MED13L: variants seen among roughly 807,000 people sequenced by gnomAD.
The protein encoded by MED13L is mediator complex subunit 13L, also known as mediator of RNA polymerase II transcription subunit 13-like.
MED13L carries 7 observed loss-of-function variants against 220.9 expected under a neutral mutation model. That is an observed-to-expected ratio of 0.03 (90% CI 0.02 to 0.06). MED13L has a LOEUF of 0.06. MED13L is among the 10% of genes least tolerant of loss of function. The pLI, the probability that MED13L is intolerant of heterozygous loss-of-function variation, is 1.00. For missense variants in MED13L, 1,965 were observed against 2,760.5 expected, an observed-to-expected ratio of 0.71 and a Z score of 6.46; for synonymous variants, 1,011 against 1,015.2, an observed-to-expected ratio of 1.00 and a Z score of 0.08.
At chr12:115,975,355 T>C (rs2137242565) in intron 24 of MED13L, 42 bp from the exon 25 acceptor site, 2 of 1,613,682 alleles carry the variant, frequency 1.2e-6, no homozygotes, top group Non-Finnish European at 1.7e-6. Flanking sequence ...GGTCCCTAGA[T>C]AAATCAGAGT....
At chr12:116,062,427 TATTGAACA>T (rs760058913) in intron 4 of MED13L, among the ~76,000 whole-genome samples, 7 of 151,986 alleles carry the variant, frequency 4.6e-5, no homozygotes, top group Non-Finnish European at 1.0e-4. Flanking sequence ...ATTGGTTTTC[TATTGAACA>T]ATATTACCTT....
At chr12:116,261,843 G>A (rs1239172570) in intron 1 of MED13L, among the ~76,000 whole-genome samples, 2 of 152,056 alleles carry the variant, frequency 1.3e-5, no homozygotes, top group East Asian at 1.9e-4. Context: ...AATATTACAC[G>A]ATCTATTTCC....
intron 2 of MED13L, chr12:116,174,720 GTGAA>G (rs1341480179): frequency 3.9e-5 from 6 of 152,172 alleles, no homozygotes; most frequent in Non-Finnish European, 5.9e-5. Context: ...AGTTGTCTAA[GTGAA>G]TGTCAGTCTA....
chr12:116,120,440 TTCTCTCTCTCTCTCTCTCTC>T lies in MED13L; in HGVS notation c.311-8948_311-8929del, dbSNP rs67306353. ...TTTGGCTTCTTTAAATAATCTCTCT[TTCTCTCTCTCTCTCTCTCTC>T]TCTCTCTCTCTCTCTCTCACACACA... On this transcript the variant is annotated intron_variant, in intron 2 of 30. Transcript: ENST00000281928. Among the ~76,000 whole-genome samples the T allele has an allele frequency of 4.1e-5, 4 of 98,386 alleles. No individual in the cohort carries two copies. The East Asian group carries it at 1.1e-3, about 26-fold the overall frequency. The allele number at this position is 98,386 out of a possible 152,430, so 64.5% of individuals were successfully genotyped here. A position where few individuals can be genotyped will look rare whatever the true frequency, so the allele number is the denominator to read the frequency against.
At chr12:116,227,824 G>A (rs908089808) in intron 2 of MED13L, among the ~76,000 whole-genome samples, 3 of 152,152 alleles carry the variant, frequency 2.0e-5, no homozygotes, top group African/African-American at 7.2e-5. Flanking sequence ...TATCAAAAGT[G>A]AGAAATGATT....
chr12:116,255,856 C>A (rs1871994568), intron 1 of MED13L, among the ~76,000 whole-genome samples: 1 of 152,168 alleles, frequency 6.6e-6, no homozygotes, highest in Admixed American at 6.5e-5. Context: ...GCTCCAAAAT[C>A]AAAACTTTTT....
intron 4 of MED13L, among the ~76,000 whole-genome samples, chr12:116,055,662 AGGTG>A (rs964188987): frequency 1.4e-4 from 21 of 152,282 alleles, no homozygotes; most frequent in Non-Finnish European, 2.4e-4. Flanking sequence ...TGGGAGGCTG[AGGTG>A]GGTGGATCAC....
At chr12:116,206,684 G>T (rs1360391736) in intron 2 of MED13L, among the ~76,000 whole-genome samples, 1 of 151,924 alleles carries the variant, frequency 6.6e-6, no homozygotes, top group Non-Finnish European at 1.5e-5. Flanking sequence ...GCATTAAAAA[G>T]TTACCAAAGC....
At chr12:116,244,778 C>T (rs1382827144) in intron 1 of MED13L, among the ~76,000 whole-genome samples, 2 of 152,050 alleles carry the variant, frequency 1.3e-5, no homozygotes, top group African/African-American at 2.4e-5. Context: ...ATAGTGAGAC[C>T]TCAACTCTAC....
chr12:116,090,541 G>C (rs1313689974), intron 4 of MED13L, among the ~76,000 whole-genome samples: 2 of 152,184 alleles, frequency 1.3e-5, no homozygotes, highest in Non-Finnish European at 2.9e-5. Context: ...GATATATACA[G>C]AGACATACAT....
chr12:115,998,841 T>C (rs1023461979), intron 14 of MED13L, among the ~76,000 whole-genome samples: 2 of 152,166 alleles, frequency 1.3e-5, no homozygotes, highest in African/African-American at 2.4e-5. Context: ...TTTTCTATAA[T>C]AGGAATCTGT....
intron 4 of MED13L, 106 bp downstream of exon 4, chr12:116,096,563 T>C: frequency 1.3e-6 from 1 of 768,842 alleles, no homozygotes; most frequent in East Asian, 2.7e-5. Context: ...TCTATTTGAG[T>C]ATATCTAAAC....
Position 116,254,559 on chromosome 12 carries a change from G to C in MED13L, c.73-16854C>G, listed in dbSNP as rs546713276. Among the ~76,000 whole-genome samples, 30 of 152,082 alleles carry C rather than the reference G, an allele frequency of 2.0e-4. No homozygotes were observed. In the East Asian group the frequency reaches 5.2e-3, roughly 26 times the overall value. ...AGGTCAGGAGTTCAAGACCAGCCTG[G>C]TCAACATGATGAAACTCTGTCTCTA... is the stretch of plus-strand genomic sequence containing the variant. On this transcript the variant is annotated intron_variant, in intron 1 of 30. Coordinates refer to ENST00000281928, the MANE Select transcript of MED13L (RefSeq NM_015335.5).
At chr12:116,201,539 G>C (rs1882004273) in intron 2 of MED13L, among the ~76,000 whole-genome samples, 1 of 152,142 alleles carries the variant, frequency 6.6e-6, no homozygotes, top group Admixed American at 6.5e-5. Context: ...TGTGTATAAA[G>C]AAAGGTAACT....
At chr12:116,075,270 A>G (rs1027143946) in intron 4 of MED13L, among the ~76,000 whole-genome samples, 3 of 152,214 alleles carry the variant, frequency 2.0e-5, no homozygotes, top group Non-Finnish European at 2.9e-5. Context: ...CAAGTTATTT[A>G]TCCCCATGTA....
intron 2 of MED13L, among the ~76,000 whole-genome samples, chr12:116,142,252 A>G (rs928676422): frequency 6.6e-6 from 1 of 152,224 alleles, no homozygotes; most frequent in African/African-American, 2.4e-5. Context: ...CCAAGATTTT[A>G]GTCTGTTTTC....
At position 116,277,062 on chromosome 12, in the gene MED13L, G is replaced by A. The variant is rs1278724763; in HGVS notation, c.70C>T (p.Leu24=). Residue 24 remains leucine (L), a splice_region_variant and synonymous_variant, in exon 1 of 31, where the codon CTG becomes TTG. Coordinates refer to ENST00000281928, the MANE Select transcript of MED13L (RefSeq NM_015335.5). ...LEDCHSNLFS[L]AELTGIKWRR... is the part of the protein sequence containing the mutation. ...CTCCCCGCAGCCCGGCTACTCACCA[G>A]CGAAAAGAGGTTGGAGTGACAATCC... 6.4e-7 allele frequency: 1 copy of A among 1,563,678 alleles called. No individual in the cohort carries two copies.
chr12:115,980,812 T>C lies in MED13L; in HGVS notation c.5302A>G (p.Ile1768Val). 6.2e-7 allele frequency: 1 copy of C among 1,614,112 alleles called. No individual in the cohort carries two copies. Among genetic ancestry groups the C allele is most frequent in the Non-Finnish European group, 8.5e-7 (1 of 1,180,010 alleles). Residue 1768 changes from isoleucine (I) to valine (V), a missense_variant, in exon 23 of 31, where the codon ATT becomes GTT. Physicochemically the swap from Ile to Val is conservative, Grantham distance 29 (BLOSUM62 3). This residue lies in a region of MED13L where 510 missense variants were observed against 620.4 expected (regional missense o/e 0.82). Transcript: ENST00000281928. ...CRRPLPTQIH[I>V]KSLTGFGPAA... ...GGCCCAAATCCCGTGAGGGATTTAA[T>C]GTGGATCTGTGTAGGCAGTGGTCGC... is the stretch of plus-strand genomic sequence containing the variant.
chr12:116,071,121 G>C (rs573418144), intron 4 of MED13L, among the ~76,000 whole-genome samples: 30 of 151,830 alleles, frequency 2.0e-4, no homozygotes, highest in Non-Finnish European at 3.2e-4. Flanking sequence ...GAAGACAACA[G>C]TTCATTACTT....
Sources: allele counts gnomAD v4.1 joint callset (sites outside exome capture counted in the v4.1 genomes callset), GRCh38; gene constraint gnomAD v4.1.1; regional missense constraint gnomAD v4.1.1; transcripts MANE v1.5; gene names NCBI Gene and HGNC (gene_info 2026-07-23, HGNC 2026-07-21).